The following BRWD1 variants were observed in gnomAD, a reference collection of about 807,000 sequenced individuals.
BRWD1 encodes the protein bromodomain and WD repeat-containing protein 1.
A neutral mutation model predicts 251.2 loss-of-function variants in BRWD1; 82 were observed. That is an observed-to-expected ratio of 0.33 (90% confidence interval 0.27 to 0.39). BRWD1 has a LOEUF of 0.39. Among genes scored for constraint, BRWD1 ranks in the 10% least tolerant of loss-of-function variants. The pLI, the probability that BRWD1 is intolerant of heterozygous loss-of-function variation, is 1.00. For missense variants in BRWD1, 2,233 were observed against 2,711.6 expected (o/e 0.82, Z 3.92); for synonymous variants, 918 against 902.8 (o/e 1.02, Z -0.30).
intron 19 of BRWD1, 47 bp downstream of exon 19, chr21:39,255,598 A>G (rs1187878157): frequency 2.0e-6 from 3 of 1,473,260 alleles, no homozygotes; most frequent in Admixed American, 1.7e-5. Flanking sequence ...CCATATAAAT[A>G]TATTTTCACA....
intron 7 of BRWD1, among the ~76,000 whole-genome samples, chr21:39,294,719 G>T (rs539103382): frequency 1.0e-3 from 159 of 151,796 alleles, no homozygotes; most frequent in African/African-American, 3.5e-3. Flanking sequence ...ATGAATGTTG[G>T]AACAGATCTA....
chr21:39,245,867 C>T (rs1157994982), intron 21 of BRWD1, among the ~76,000 whole-genome samples: 1 of 151,984 alleles, frequency 6.6e-6, no homozygotes, highest in African/African-American at 2.4e-5. Context: ...CTCGCAAAGT[C>T]CTGGGATTAC....
chr21:39,263,120 A>C (rs2146649390), intron 17 of BRWD1, among the ~76,000 whole-genome samples: 1 of 152,308 alleles, frequency 6.6e-6, no homozygotes, highest in East Asian at 1.9e-4. Context: ...ATAAACACAC[A>C]TACACTTGAA....
chr21:39,274,864 AC>A (rs2035230802), intron 12 of BRWD1, among the ~76,000 whole-genome samples: 1 of 152,088 alleles, frequency 6.6e-6, no homozygotes, highest in Non-Finnish European at 1.5e-5. Context: ...ACATGGTGAA[AC>A]CCCGTCTCTA....
At chr21:39,270,128 T>C in intron 14 of BRWD1, 95 bp from the exon 15 acceptor site, 1 of 1,240,654 alleles carries the variant, frequency 8.1e-7, no homozygotes, top group Non-Finnish European at 1.1e-6. Context: ...CTTTTAGAAA[T>C]GTATTCGACA....
At chr21:39,297,414 C>T (rs1399815658) in intron 5 of BRWD1, 1 of 985,172 alleles carries the variant, frequency 1.0e-6, no homozygotes, top group Non-Finnish European at 1.2e-6. Context: ...GAAGACTCTT[C>T]TAAGGTCTGG....
chr21:39,300,723 T>C (rs1388534273), intron 4 of BRWD1, among the ~76,000 whole-genome samples: 1 of 152,178 alleles, frequency 6.6e-6, no homozygotes, highest in Non-Finnish European at 1.5e-5. Flanking sequence ...GCTAGATATA[T>C]GACCCATGGT....
intron 7 of BRWD1, 27 bp downstream of exon 7, chr21:39,295,716 C>A: frequency 6.6e-7 from 1 of 1,524,410 alleles, no homozygotes; most frequent in South Asian, 1.3e-5. Context: ...TAGATGACAT[C>A]AAATCAAGTT....
intron 21 of BRWD1, among the ~76,000 whole-genome samples, chr21:39,244,499 G>C (rs2146591187): frequency 6.6e-6 from 1 of 152,290 alleles, no homozygotes; most frequent in East Asian, 1.9e-4. Context: ...TAGATAACGT[G>C]TAAACCATTT....
rs539314745 is a variant in BRWD1 at position 39,267,472 on chromosome 21, G to A, written c.1530+2427C>T. Among the ~76,000 whole-genome samples the A allele has an allele frequency of 2.2e-3, 331 of 152,226 alleles. 1 individual carries two copies. The highest frequency in any genetic ancestry group is 3.1e-3 in the Non-Finnish European group (214 of 68,000). On this transcript the variant is annotated intron_variant, in intron 15 of 40. Transcript: ENST00000342449. Reference sequence around the variant, plus strand: ...AAATTAGCCGGGCGTGGTGGCAGGCGCGTGTAATCCCAGCTACTTGAGAGG... The same window carrying A: ...AAATTAGCCGGGCGTGGTGGCAGGCACGTGTAATCCCAGCTACTTGAGAGG...
chr21:39,257,282 T>A (rs999541506), intron 18 of BRWD1, among the ~76,000 whole-genome samples: 1 of 151,918 alleles, frequency 6.6e-6, no homozygotes, highest in Non-Finnish European at 1.5e-5. Context: ...GGCAATACAG[T>A]AGGTGCCAGA....
At chr21:39,301,242 A>G (rs1476862574) in intron 4 of BRWD1, among the ~76,000 whole-genome samples, 1 of 152,002 alleles carries the variant, frequency 6.6e-6, no homozygotes, top group Non-Finnish European at 1.5e-5. Flanking sequence ...CATGCCCGCT[A>G]ATAGTGCCCA....
intron 29 of BRWD1, among the ~76,000 whole-genome samples, chr21:39,220,832 A>C (rs1200486792): frequency 1.3e-5 from 2 of 152,184 alleles, no homozygotes; most frequent in Non-Finnish European, 2.9e-5. Context: ...AGATATTCCG[A>C]AAGAAAATAT....
intron 21 of BRWD1, among the ~76,000 whole-genome samples, chr21:39,243,487 C>T (rs905752368): frequency 1.6e-4 from 24 of 152,148 alleles, no homozygotes; most frequent in African/African-American, 5.8e-4. Context: ...CTGTGTCACC[C>T]AGGCTAGAGT....
rs897562366 is a variant in BRWD1 at position 39,194,092 on chromosome 21, TCTAA to T, written c.*2163_*2166del. ...AAAATACCACTTCTGTATGCAAGGGTCTAACTATTTTGGACTGAAAGAAAAAATG... is the reference window on the plus strand; with the variant it reads ...AAAATACCACTTCTGTATGCAAGGGTCTATTTTGGACTGAAAGAAAAAATG... On this transcript the variant is annotated 3_prime_UTR_variant, in exon 41 of 41. Transcript: ENST00000342449. The T allele has an allele frequency of 3.9e-5, 38 of 985,356 alleles. No homozygotes were observed. Among genetic ancestry groups the T allele is most frequent in the African/African-American group, 1.7e-4 (10 of 57,188 alleles). The allele number at this position is 985,356 out of a possible 1,614,324, so 61.0% of individuals were successfully genotyped here.
chr21:39,314,450 G>C, upstream of BRWD1: 1 of 400,486 alleles, frequency 2.5e-6, no homozygotes, highest in South Asian at 1.8e-5. Flanking sequence ...GGAGAGGGTG[G>C]TGCAGACGGG....
intron 36 of BRWD1, among the ~76,000 whole-genome samples, chr21:39,208,490 T>G (rs957973598): frequency 1.3e-5 from 2 of 152,226 alleles, no homozygotes; most frequent in African/African-American, 2.4e-5. Flanking sequence ...TGTCACTGAT[T>G]GTAGACACCA....
Position 39,293,883 on chromosome 21 carries a change from T to C in BRWD1, c.759A>G (p.Arg253=), listed in dbSNP as rs749909844. The C allele has an allele frequency of 1.9e-6, 3 of 1,614,036 alleles. No homozygotes were observed. Among genetic ancestry groups the C allele is most frequent in the African/African-American group, 2.7e-5 (2 of 74,924 alleles). Residue 253 remains arginine (R), a synonymous_variant, in exon 8 of 41, where the codon AGA becomes AGG. Coordinates refer to ENST00000342449, the MANE Select transcript of BRWD1 (RefSeq NM_033656.4). Reference sequence around the variant, plus strand: ...GGGCACAAGTTCTCAAGCACCACACTCTAATAATTTTATCACAGCTCCCCG... The same window carrying C: ...GGGCACAAGTTCTCAAGCACCACACCCTAATAATTTTATCACAGCTCCCCG... ...IAAGSCDKII[R]VWCLRTCAPV...
intron 13 of BRWD1, among the ~76,000 whole-genome samples, chr21:39,274,169 C>T (rs930044456): frequency 6.6e-5 from 10 of 152,146 alleles, no homozygotes; most frequent in African/African-American, 2.2e-4. Flanking sequence ...TGCTATACAA[C>T]GTAAGGATAA....
Sources: gnomAD v4.1 joint callset for allele counts (sites outside exome capture counted in the v4.1 genomes callset) on GRCh38, gnomAD v4.1.1 for gene constraint, MANE v1.5 for transcripts, NCBI Gene and HGNC (gene_info 2026-07-23, HGNC 2026-07-21) for gene names.